Variants in PREX1 observed in about 807,000 individuals in gnomAD.
The protein encoded by PREX1 is phosphatidylinositol-3,4,5-trisphosphate dependent Rac exchange factor 1.
Under a neutral mutation model 198.3 loss-of-function variants are expected in PREX1, and 41 were observed. The observed-to-expected ratio is 0.21, with a 90% CI of 0.16 to 0.27. The LOEUF (loss-of-function observed/expected upper bound fraction) is 0.27, where lower values mean the gene tolerates loss of function less well. Among genes scored for constraint, PREX1 ranks in the 10% least tolerant of loss-of-function variants. The pLI is 1.00. For missense variants in PREX1, 1,620 were observed against 2,200.7 expected (o/e 0.74, Z 5.28); for synonymous variants, 843 against 887.2 (o/e 0.95, Z 0.89).
chr20:48,673,574 C>G (rs561241737), intron 14 of PREX1, among the ~76,000 whole-genome samples: 1 of 152,266 alleles, frequency 6.6e-6, no homozygotes, highest in South Asian at 2.1e-4. Flanking sequence ...GCCTTGAAAC[C>G]CAGGCTCCTC....
intron 30 of PREX1, among the ~76,000 whole-genome samples, chr20:48,639,077 G>A (rs1265336656): frequency 6.6e-6 from 1 of 152,242 alleles, no homozygotes; most frequent in Non-Finnish European, 1.5e-5. Context: ...TAACGCAGGA[G>A]TCTCAGACGC....
chr20:48,709,254 T>C (rs572822328), intron 5 of PREX1, among the ~76,000 whole-genome samples: 1 of 152,200 alleles, frequency 6.6e-6, no homozygotes, highest in Non-Finnish European at 1.5e-5. Flanking sequence ...CTGGCAGAGA[T>C]AATTTTCTTT....
At chr20:48,821,442 G>A (rs940512105) in intron 1 of PREX1, among the ~76,000 whole-genome samples, 2 of 152,208 alleles carry the variant, frequency 1.3e-5, no homozygotes, top group African/African-American at 4.8e-5. Flanking sequence ...CGCAGGGCAG[G>A]AATCAGCTCC....
chr20:48,642,011 T>C lies in PREX1; in HGVS notation c.3775+157A>G, dbSNP rs941110220. 2.6e-5 allele frequency: 18 copies of C among 680,530 alleles called. No homozygotes were observed. In the African/African-American group the frequency reaches 3.2e-4, roughly 12 times the overall value. The allele number at this position is 680,530 out of a possible 1,614,324, so 42.2% of individuals were successfully genotyped here. Reference sequence around the variant, plus strand: ...GCTCAGAGCCTACAAAAACAGGTCATGGACTGGATGTGGCCCATGGGCTAA... The same window carrying C: ...GCTCAGAGCCTACAAAAACAGGTCACGGACTGGATGTGGCCCATGGGCTAA... On this transcript the variant is annotated intron_variant, in intron 29 of 39. Transcript: ENST00000371941.
chr20:48,772,539 C>A (rs1211049943), intron 1 of PREX1, among the ~76,000 whole-genome samples: 1 of 152,232 alleles, frequency 6.6e-6, no homozygotes, highest in Non-Finnish European at 1.5e-5. Context: ...GACACAGACC[C>A]AGCAGTTCCC....
chr20:48,744,679 A>C (rs1307541171), intron 3 of PREX1, among the ~76,000 whole-genome samples: 1 of 152,208 alleles, frequency 6.6e-6, no homozygotes, highest in East Asian at 1.9e-4. Flanking sequence ...TCTGATGCCA[A>C]GTCCATCTCT....
At chr20:48,867,675 A>G in the PREX1 span, among the ~76,000 whole-genome samples, 1 of 147,578 alleles carries the variant, frequency 6.8e-6, no homozygotes, top group African/African-American at 2.7e-5. Flanking sequence ...AGGCTGAGGC[A>G]GGAGAATCGC....
intron 1 of PREX1, among the ~76,000 whole-genome samples, chr20:48,757,395 G>A (rs2090160065): frequency 6.6e-6 from 1 of 152,210 alleles, no homozygotes. Flanking sequence ...CAGTAACAAG[G>A]GGTTCAGCAG....
chr20:48,810,216 C>G (rs1600529661), intron 1 of PREX1, among the ~76,000 whole-genome samples: 1 of 152,078 alleles, frequency 6.6e-6, no homozygotes, highest in East Asian at 1.9e-4. Context: ...CCCTCTTGGT[C>G]TTTCAGTTTT....
At chr20:48,772,424 G>C (rs948547545) in intron 1 of PREX1, among the ~76,000 whole-genome samples, 1 of 152,164 alleles carries the variant, frequency 6.6e-6, no homozygotes, top group African/African-American at 2.4e-5. Flanking sequence ...CACTGGGTGA[G>C]ACGTGCCCAT....
chr20:48,815,268 A>G (rs1195045630), intron 1 of PREX1, among the ~76,000 whole-genome samples: 2 of 152,200 alleles, frequency 1.3e-5, no homozygotes, highest in Admixed American at 1.3e-4. Flanking sequence ...TCTGAACAAC[A>G]CTAACAACCA....
In PREX1 at chr20:48,639,908, G is replaced by C; in HGVS notation, c.3776-14C>G. The C allele has an allele frequency of 1.2e-6, 2 of 1,613,656 alleles. No individual in the cohort carries two copies. The highest frequency in any genetic ancestry group is 1.7e-6 in the Non-Finnish European group (2 of 1,179,660). On this transcript the variant is annotated splice_polypyrimidine_tract_variant and intron_variant, in intron 29 of 39. Transcript: ENST00000371941. ...TCTGTTTAAACTCTGGGGCAGGAAAGTGGCATGAGGGCCAGGGAAGGGACG... is the reference window on the plus strand; with the variant it reads ...TCTGTTTAAACTCTGGGGCAGGAAACTGGCATGAGGGCCAGGGAAGGGACG...
intron 1 of PREX1, among the ~76,000 whole-genome samples, chr20:48,812,974 T>C (rs2090442954): frequency 6.6e-6 from 1 of 152,254 alleles, no homozygotes; most frequent in African/African-American, 2.4e-5. Flanking sequence ...GATCTTTTTA[T>C]TCATCTTTAT....
chr20:48,849,243 A>C, the PREX1 span, among the ~76,000 whole-genome samples: 1 of 152,202 alleles, frequency 6.6e-6, no homozygotes, highest in Non-Finnish European at 1.5e-5. Flanking sequence ...CTATAGATAT[A>C]TATATACATA....
chr20:48,757,000 G>A lies in PREX1; in HGVS notation c.220-9120C>T, dbSNP rs544199429. Among the ~76,000 whole-genome samples the A allele has an allele frequency of 1.2e-4, 18 of 152,138 alleles. No individual in the cohort carries two copies. In the East Asian group the frequency reaches 1.9e-3, roughly 16 times the overall value. On this transcript the variant is annotated intron_variant, in intron 1 of 39. Coordinates refer to ENST00000371941, the MANE Select transcript of PREX1 (RefSeq NM_020820.4). ...GAGACTTACTCACTATCACGAGAAC[G>A]GCATGGGAAAGACCCGCCCCCATGA...
intron 5 of PREX1, among the ~76,000 whole-genome samples, chr20:48,722,599 G>A (rs1036653585): frequency 2.0e-5 from 3 of 152,186 alleles, no homozygotes; most frequent in Non-Finnish European, 4.4e-5. Flanking sequence ...GCCACCACAG[G>A]AGCAAGTCTA....
chr20:48,646,972 G>A (rs2089456216), intron 25 of PREX1, among the ~76,000 whole-genome samples: 1 of 152,374 alleles, frequency 6.6e-6, no homozygotes, highest in East Asian at 1.9e-4. Context: ...TAGGCCCAGT[G>A]GCTCACGCCT....
rs187087532 is a variant in PREX1, at chr20:48,720,777, C to T, written c.621+5513G>A. Among the ~76,000 whole-genome samples, 201 of 151,982 alleles carry T rather than the reference C, an allele frequency of 1.3e-3. 1 individual carries two copies. Among genetic ancestry groups the T allele is most frequent in the Admixed American group, 4.0e-3 (61 of 15,266 alleles). On this transcript the variant is annotated intron_variant, in intron 5 of 39. Transcript: ENST00000371941. ...GACCTCACTCAGTCCATCCCAGGAG[C>T]GCGGACCTCAGTATCAGCCACTTTC... is the stretch of plus-strand genomic sequence containing the variant.
At chr20:48,627,692 G>A in intron 38 of PREX1, 77 bp from the exon 39 acceptor site, 1 of 1,496,142 alleles carries the variant, frequency 6.7e-7, no homozygotes, top group Non-Finnish European at 9.3e-7. Context: ...GGTGGGGGTG[G>A]GGCCCAGAAG....
Sources: gnomAD v4.1 joint callset for allele counts (sites outside exome capture counted in the v4.1 genomes callset) on GRCh38, gnomAD v4.1.1 for gene constraint, MANE v1.5 for transcripts, NCBI Gene and HGNC (gene_info 2026-07-23, HGNC 2026-07-21) for gene names.